Variants in GPR158 observed in about 807,000 individuals in gnomAD.
The protein encoded by GPR158 is G protein-coupled receptor 158.
A neutral mutation model predicts 78.2 loss-of-function variants in GPR158; 30 were observed. That is an observed-to-expected ratio of 0.38 (90% CI 0.29 to 0.52). GPR158 has a LOEUF of 0.52. GPR158 is among the 20% of genes least tolerant of loss of function. GPR158 has a pLI of 0.83. For synonymous variants in GPR158, 581 were observed against 591.1 expected (o/e 0.98, Z 0.25); for missense variants, 1,463 against 1,523.5 (o/e 0.96, Z 0.66).
At chr10:25,235,950 C>T (rs1361576530) in intron 2 of GPR158, among the ~76,000 whole-genome samples, 1 of 152,000 alleles carries the variant, frequency 6.6e-6, no homozygotes, top group East Asian at 1.9e-4. Flanking sequence ...CCCGCCTCAG[C>T]CCCCCAAAGT....
chr10:25,389,622 G>A (rs990665195), intron 2 of GPR158, among the ~76,000 whole-genome samples: 6 of 152,114 alleles, frequency 3.9e-5, no homozygotes, highest in African/African-American at 7.2e-5. Flanking sequence ...GAATGGTGGG[G>A]CTAAAAAAGC....
intron 2 of GPR158, among the ~76,000 whole-genome samples, chr10:25,313,675 G>C (rs572051400): frequency 5.3e-5 from 8 of 152,030 alleles, no homozygotes; most frequent in African/African-American, 1.9e-4. Flanking sequence ...ATAGTTCTTG[G>C]AATAAATCTT....
chr10:25,549,970 G>T (rs995398223), intron 5 of GPR158, among the ~76,000 whole-genome samples: 16 of 152,268 alleles, frequency 1.1e-4, no homozygotes, highest in Non-Finnish European at 8.8e-5. Context: ...AGCTGCTCCA[G>T]CAAAGATTGA....
chr10:25,404,145 C>T (rs939973325), intron 3 of GPR158, among the ~76,000 whole-genome samples: 1 of 152,052 alleles, frequency 6.6e-6, no homozygotes, highest in Non-Finnish European at 1.5e-5. Context: ...TTAAATTGTG[C>T]TTTGAGTACT....
intron 2 of GPR158, among the ~76,000 whole-genome samples, chr10:25,246,396 T>A (rs1853689489): frequency 6.6e-6 from 1 of 152,176 alleles, no homozygotes; most frequent in South Asian, 2.1e-4. Context: ...GTTACATGCT[T>A]TTCCCCCCTA....
At chr10:25,205,307 C>CT (rs1853008768) in intron 1 of GPR158, among the ~76,000 whole-genome samples, 3 of 120,668 alleles carry the variant, frequency 2.5e-5, no homozygotes, top group Non-Finnish European at 3.5e-5. Flanking sequence ...AAATAGTGTT[C>CT]TATTTTTTTT....
chr10:25,192,553 G>C (rs1033697631), intron 1 of GPR158, among the ~76,000 whole-genome samples: 1 of 152,032 alleles, frequency 6.6e-6, no homozygotes, highest in African/African-American at 2.4e-5. Flanking sequence ...GTAACTCTGT[G>C]GCTCAATTCC....
intron 1 of GPR158, among the ~76,000 whole-genome samples, chr10:25,196,992 C>A (rs1416988153): frequency 6.6e-6 from 1 of 152,158 alleles, no homozygotes; most frequent in African/African-American, 2.4e-5. Context: ...TAGCTGCCAC[C>A]CCTCCCTGGC....
chr10:25,232,891 C>G (rs928598378), intron 2 of GPR158, among the ~76,000 whole-genome samples: 2 of 151,914 alleles, frequency 1.3e-5, no homozygotes, highest in Non-Finnish European at 1.5e-5. Context: ...TAAGCTCACA[C>G]GTAGGTGTAT....
chr10:25,581,782 C>T (rs1837202897), intron 7 of GPR158, among the ~76,000 whole-genome samples: 1 of 152,138 alleles, frequency 6.6e-6, no homozygotes. Context: ...ATAATAGTAG[C>T]AAGCGATCCC....
intron 2 of GPR158, among the ~76,000 whole-genome samples, chr10:25,289,004 T>A (rs555189289): frequency 1.2e-4 from 18 of 152,322 alleles, no homozygotes; most frequent in African/African-American, 4.1e-4. Context: ...CATAGTAGCA[T>A]GTAGAGGGAC....
intron 5 of GPR158, among the ~76,000 whole-genome samples, chr10:25,504,659 A>G (rs1365915884): frequency 6.6e-6 from 1 of 152,118 alleles, no homozygotes; most frequent in Non-Finnish European, 1.5e-5. Flanking sequence ...TTCATTGAGA[A>G]TCTTGTTCTT....
At chr10:25,555,633 A>G (rs1836778583) in intron 6 of GPR158, among the ~76,000 whole-genome samples, 1 of 152,152 alleles carries the variant, frequency 6.6e-6, no homozygotes, top group African/African-American at 2.4e-5. Flanking sequence ...TTGAAATGAA[A>G]GGGGGTGAAA....
chr10:25,502,441 A>G (rs532112149), intron 5 of GPR158, among the ~76,000 whole-genome samples: 1 of 152,168 alleles, frequency 6.6e-6, no homozygotes, highest in African/African-American at 2.4e-5. Flanking sequence ...TTAGAACCAC[A>G]TTCACAGAGC....
At chr10:25,535,163 T>C (rs908909802) in intron 5 of GPR158, among the ~76,000 whole-genome samples, 2 of 152,214 alleles carry the variant, frequency 1.3e-5, no homozygotes, top group African/African-American at 2.4e-5. Flanking sequence ...AAAAGTAGTC[T>C]CTTTTTGTGG....
intron 2 of GPR158, among the ~76,000 whole-genome samples, chr10:25,245,650 A>G (rs111504555): frequency 6.6e-6 from 1 of 152,124 alleles, no homozygotes; most frequent in Non-Finnish European, 1.5e-5. Flanking sequence ...AATTTTCCTT[A>G]TTAAACTCCT....
At chr10:25,455,568 A>T (rs764377583) in intron 4 of GPR158, among the ~76,000 whole-genome samples, 1 of 152,202 alleles carries the variant, frequency 6.6e-6, no homozygotes, top group Non-Finnish European at 1.5e-5. Flanking sequence ...TTCATCACAG[A>T]TAAGAAAGAA....
intron 1 of GPR158, among the ~76,000 whole-genome samples, chr10:25,208,371 G>A (rs1291839790): frequency 2.0e-5 from 3 of 152,162 alleles, no homozygotes; most frequent in Non-Finnish European, 4.4e-5. Flanking sequence ...GAAAGAGAAG[G>A]AGGAAAACAC....
chr10:25,530,122 C>T (rs1048259762), intron 5 of GPR158, among the ~76,000 whole-genome samples: 3 of 152,144 alleles, frequency 2.0e-5, no homozygotes, highest in Admixed American at 1.3e-4. Context: ...AGATCTTTGT[C>T]GTCCTTATAC....
Sources: gnomAD v4.1 joint callset for allele counts (sites outside exome capture counted in the v4.1 genomes callset) on GRCh38, gnomAD v4.1.1 for gene constraint, MANE v1.5 for transcripts, NCBI Gene and HGNC (gene_info 2026-07-23, HGNC 2026-07-21) for gene names.